NLRP3: variants seen among roughly 807,000 people sequenced by gnomAD.
The protein encoded by NLRP3 is NACHT, LRR and PYD domains-containing protein 3.
NLRP3 carries 48 observed loss-of-function variants against 91.3 expected under a neutral mutation model. That is an observed-to-expected ratio of 0.53 (90% CI 0.42 to 0.67). The LOEUF is 0.67. NLRP3 is among the 30% of genes least tolerant of loss of function. The pLI, the probability that NLRP3 is intolerant of heterozygous loss-of-function variation, is 0.00. For synonymous variants in NLRP3, 561 were observed against 507.9 expected, an observed-to-expected ratio of 1.10 and a Z score of -1.41; for missense variants, 982 against 1,276.9, an observed-to-expected ratio of 0.77 and a Z score of 3.52.
Position 247,418,732 on chromosome 1 carries a change from C to G in NLRP3, c.-69C>G, listed in dbSNP as rs753480273. ...ACTTTAAAAAAGACTCATCCGTGTG[C>G]CGTGTTCACTGCCTGGTATCTTAGT... On this transcript the variant is annotated 5_prime_UTR_variant, in exon 2 of 10. Coordinates refer to ENST00000336119, the MANE Select transcript of NLRP3 (RefSeq NM_001243133.2). The G allele has an allele frequency of 1.1e-5, 18 of 1,577,478 alleles. No homozygotes were observed. Among genetic ancestry groups the G allele is most frequent in the Non-Finnish European group, 1.2e-5 (14 of 1,148,798 alleles).
rs1307114721 is a variant in NLRP3 at position 247,418,919 on chromosome 1, C to T, written c.119C>T (p.Pro40Leu). 8 of 1,614,082 alleles carry T rather than the reference C, an allele frequency of 5.0e-6. No homozygotes were observed. Among genetic ancestry groups the T allele is most frequent in the South Asian group, 2.2e-5 (2 of 91,074 alleles). ...YPPQKGCIPL[P>L]RGQTEKADHV... The stretch of plus-strand genomic sequence containing the variant: ...CCCCAGAAGGGCTGCATCCCCCTCC[C>T]GAGGGGTCAGACAGAGAAGGCAGAC... The change falls in exon 2 of 10, where the codon CCG becomes CTG. Residue 40 changes from proline to leucine, a missense_variant. Pro to Leu is a moderately conservative substitution (Grantham distance 98). This residue lies in a region of NLRP3 where 548 missense variants were observed against 713.7 expected (regional missense o/e 0.77). Transcript: ENST00000336119.
rs373046020 is a variant in NLRP3, at chr1:247,448,391, A to T, written c.3006-14A>T. ...CTGAAGAGTGCAACCCAGGCTTTCT[A>T]TTTGCTTTTACAGGTTGTCTGAAAT... is the stretch of plus-strand genomic sequence containing the variant. On this transcript the variant is annotated splice_polypyrimidine_tract_variant and intron_variant, in intron 9 of 9. Transcript: ENST00000336119. 1.9e-5 allele frequency: 28 copies of T among 1,484,464 alleles called. No homozygotes were observed. In the African/African-American group the frequency reaches 3.9e-4, roughly 21 times the overall value. The allele number at this position is 1,484,464 out of a possible 1,614,324, so 92.0% of individuals were successfully genotyped here.
chr1:247,444,061 G>A lies in NLRP3; in HGVS notation c.2753G>A (p.Arg918Gln), dbSNP rs1553293095. The stretch of plus-strand genomic sequence containing the variant: ...CAGAATCTCACGCACCTTTACCTGC[G>A]AGGCAACACTCTCGGAGACAAGGGG... ...TNQNLTHLYL[R>Q]GNTLGDKGIK... The change falls in exon 8 of 10, where the codon CGA (arginine) becomes CAA (glutamine). Residue 918 changes from arginine (R) to glutamine (Q), a missense_variant. Physicochemically the swap from Arg to Gln is conservative, Grantham distance 43 (BLOSUM62 1). Around this residue, in one of 5 missense-constraint regions of NLRP3, gnomAD observed 373 missense variants for 431.5 expected, o/e 0.86. Transcript: ENST00000336119. 6.2e-7 allele frequency: 1 copy of A among 1,614,136 alleles called. No individual in the cohort carries two copies. The highest frequency in any genetic ancestry group is 8.5e-7 in the Non-Finnish European group (1 of 1,180,032).
chr1:247,423,150 T>C (rs546679008), intron 2 of NLRP3, 80 bp from the exon 3 acceptor site: 109 of 1,595,780 alleles, frequency 6.8e-5, no homozygotes, highest in African/African-American at 2.1e-4. Flanking sequence ...TCCTCTCTCA[T>C]GCCAAATATT....
At position 247,423,852 on chromosome 1, in the gene NLRP3, C is replaced by T. The variant is rs201525433; in HGVS notation, c.403C>T (p.Arg135Cys). 31 of 1,613,420 alleles carry T rather than the reference C, an allele frequency of 1.9e-5. No homozygotes were observed. In the East Asian group the frequency reaches 4.0e-4, roughly 21 times the overall value. ...ACTTCCTGTCTTTGCCGTAGATTAC[C>T]GTAAGAAGTACAGAAAGTACGTGAG... Reference protein sequence around the residue: ...ISICKMKKDYRKKYRKYVRSR... With the variant: ...ISICKMKKDYCKKYRKYVRSR... Residue 135 changes from arginine to cysteine, a missense_variant, in exon 4 of 10, where the codon CGT becomes TGT. By Grantham distance (180) the Arg-to-Cys change is radical. This residue lies in a region of NLRP3 where 548 missense variants were observed against 713.7 expected (regional missense o/e 0.77). Coordinates refer to ENST00000336119, the MANE Select transcript of NLRP3 (RefSeq NM_001243133.2).
chr1:247,439,001 C>G (rs927274860), intron 7 of NLRP3, among the ~76,000 whole-genome samples: 3 of 104,362 alleles, frequency 2.9e-5, no homozygotes, highest in Non-Finnish European at 6.8e-5. Flanking sequence ...ATCCATCCCT[C>G]TATTTTCCAT....
intron 4 of NLRP3, among the ~76,000 whole-genome samples, chr1:247,426,682 T>C (rs989907373): frequency 2.0e-5 from 3 of 152,204 alleles, no homozygotes; most frequent in Non-Finnish European, 4.4e-5. Context: ...TCACAGGGAC[T>C]TGAGGTCTGG....
intron 9 of NLRP3, among the ~76,000 whole-genome samples, chr1:247,447,110 G>A (rs114788711): frequency 0.012 from 1,811 of 152,310 alleles, 39 homozygotes; most frequent in African/African-American, 0.041. Flanking sequence ...CTCAGGCTGC[G>A]ATAACAAGCT....
chr1:247,441,920 C>A (rs938607734), intron 7 of NLRP3, among the ~76,000 whole-genome samples: 1 of 152,254 alleles, frequency 6.6e-6, no homozygotes. Context: ...GTAAAGCCTG[C>A]ATAACTTTAA....
intron 2 of NLRP3, among the ~76,000 whole-genome samples, chr1:247,421,031 C>T (rs953070645): frequency 3.3e-5 from 5 of 152,190 alleles, no homozygotes; most frequent in African/African-American, 7.2e-5. Flanking sequence ...CTTGAAGAAC[C>T]GTGGAGTTTG....
intron 8 of NLRP3, 152 bp downstream of exon 8, chr1:247,444,294 G>C: frequency 1.2e-6 from 1 of 853,264 alleles, no homozygotes; most frequent in Non-Finnish European, 1.9e-6. Flanking sequence ...ACTGGGAGGA[G>C]TCCTTCCAGA....
Position 247,424,898 on chromosome 1 carries a change from G to A in NLRP3, c.1449G>A (p.Glu483=), listed in dbSNP as rs749604905. The A allele has an allele frequency of 2.2e-5, 35 of 1,611,076 alleles. No homozygotes were observed. Among genetic ancestry groups the A allele is most frequent in the Non-Finnish European group, 3.0e-5 (35 of 1,180,024 alleles). The part of the protein sequence containing the change: ...DGIWNQKILF[E]ESDLRNHGLQ... ...TCTGGAACCAGAAAATCCTGTTTGA[G>A]GAGTCCGACCTCAGGAATCATGGAC... Residue 483 remains glutamate (E), a synonymous_variant, in exon 4 of 10, where the codon GAG becomes GAA. Coordinates refer to ENST00000336119, the MANE Select transcript of NLRP3 (RefSeq NM_001243133.2). This position sits in a 1 kb window ranked among gnomAD's most constrained non-coding sequence, Gnocchi z 8.1.
At chr1:247,447,497 G>A (rs1664660058) in intron 9 of NLRP3, among the ~76,000 whole-genome samples, 1 of 152,194 alleles carries the variant, frequency 6.6e-6, no homozygotes, top group Admixed American at 6.5e-5. Context: ...CCACCAAATT[G>A]AGATGGTTAT....
Position 247,421,875 on chromosome 1 carries a change from C to T in NLRP3, c.278-1355C>T, listed in dbSNP as rs1332841055. ...GCTAATTTACTGTCATGGCTCCTAC[C>T]TGAGTCCCAGTTACTCAGGTGGCTG... On this transcript the variant is annotated intron_variant, in intron 2 of 9. Transcript: ENST00000336119. Among the ~76,000 whole-genome samples the T allele has an allele frequency of 5.3e-5, 8 of 152,240 alleles. 1 individual carries two copies. The South Asian group carries it at 1.7e-3, about 32-fold the overall frequency.
chr1:247,435,901 G>T, intron 6 of NLRP3, 69 bp from the exon 7 acceptor site: 1 of 1,465,812 alleles, frequency 6.8e-7, no homozygotes, highest in Non-Finnish European at 9.5e-7. Flanking sequence ...TGGCAGGTAC[G>T]GGTGCTTCCT....
rs201229629 is a variant in NLRP3, at chr1:247,444,708, C to T, written c.2892C>T (p.Thr964=). Residue 964 remains threonine (T), a synonymous_variant, in exon 9 of 10, where the codon ACC becomes ACT. Transcript: ENST00000336119. ...GCTGGGATCTTTCCACACTTCTGAC[C>T]TCCAGCCAGAGCCTGCGAAAGCTGA... is the stretch of plus-strand genomic sequence containing the variant. ...HCCWDLSTLL[T]SSQSLRKLSL... The T allele has an allele frequency of 1.2e-6, 2 of 1,614,132 alleles. No individual in the cohort carries two copies. Among genetic ancestry groups the T allele is most frequent in the Non-Finnish European group, 1.7e-6 (2 of 1,180,028 alleles).
At chr1:247,432,032 G>A (rs929838477) in intron 5 of NLRP3, among the ~76,000 whole-genome samples, 17 of 152,110 alleles carry the variant, frequency 1.1e-4, no homozygotes, top group Admixed American at 3.3e-4. Flanking sequence ...TTACAGGCAT[G>A]GGCCACCACG....
chr1:247,443,439 C>A (rs4925662), intron 7 of NLRP3, among the ~76,000 whole-genome samples: 143,805 of 152,014 alleles, frequency 0.95, 68,522 homozygotes, highest in East Asian at 1. Flanking sequence ...AGGGCCCCGC[C>A]GTGTTCCTGT....
intron 3 of NLRP3, 152 bp downstream of exon 3, chr1:247,423,501 A>G: frequency 9.9e-7 from 1 of 1,005,118 alleles, no homozygotes; most frequent in Non-Finnish European, 1.6e-6. Context: ...TCAGTTGAAG[A>G]AACAAATTCA....
Sources: allele counts gnomAD v4.1 joint callset (sites outside exome capture counted in the v4.1 genomes callset), GRCh38; gene constraint gnomAD v4.1.1; regional missense constraint gnomAD v4.1.1; non-coding constraint Gnocchi (gnomAD v3.1); transcripts MANE v1.5; gene names NCBI Gene and HGNC (gene_info 2026-07-23, HGNC 2026-07-21).